Variants in TEX11 observed in about 807,000 individuals in gnomAD.
TEX11 encodes testis-expressed protein 11.
In TEX11, 7 loss-of-function variants were observed where a neutral mutation model predicts 84.4. That is an observed-to-expected ratio of 0.08 (90% confidence interval 0.05 to 0.16). The LOEUF (loss-of-function observed/expected upper bound fraction) is 0.16, where lower values mean the gene tolerates loss of function less well. Among genes scored for constraint, TEX11 ranks in the 10% least tolerant of loss-of-function variants. TEX11 has a pLI of 1.00. For synonymous variants in TEX11, 264 were observed against 222.8 expected (o/e 1.18, Z -1.64); for missense variants, 551 against 660.5 (o/e 0.83, Z 1.82).
intron 25 of TEX11, among the ~76,000 whole-genome samples, chrX:70,563,724 G>A (rs1036337089): frequency 1.7e-4 from 19 of 112,370 alleles, no homozygotes; most frequent in African/African-American, 4.5e-4. Context: ...GAGTGTTCTC[G>A]TCATGAATGG....
chrX:70,850,302 C>A (rs1205087945), intron 7 of TEX11, among the ~76,000 whole-genome samples: 1 of 111,713 alleles, frequency 9.0e-6, no homozygotes, highest in African/African-American at 3.3e-5. Context: ...AAATGTGATG[C>A]CTAGAAGTTA....
chrX:70,733,057 T>C (rs1603240689), intron 11 of TEX11, among the ~76,000 whole-genome samples: 1 of 112,007 alleles, frequency 8.9e-6, no homozygotes, highest in East Asian at 2.8e-4. Flanking sequence ...GGGGAAAGGA[T>C]TCCCAATTTA....
At chrX:70,887,785 C>T (rs1409612385) in intron 2 of TEX11, among the ~76,000 whole-genome samples, 1 of 112,479 alleles carries the variant, frequency 8.9e-6, no homozygotes, top group Non-Finnish European at 1.9e-5. Flanking sequence ...TGGGGGAGAC[C>T]CAGTACTGTG....
intron 24 of TEX11, among the ~76,000 whole-genome samples, chrX:70,592,445 G>C (rs1233331473): frequency 1.8e-5 from 2 of 111,306 alleles, no homozygotes. Flanking sequence ...CTCTATTGTA[G>C]AAGCTCTATT....
intron 11 of TEX11, among the ~76,000 whole-genome samples, chrX:70,733,599 A>C (rs1274632083): frequency 8.9e-6 from 1 of 111,975 alleles, no homozygotes; most frequent in Non-Finnish European, 1.9e-5. Context: ...TCAAAACCAC[A>C]GTGAGATACC....
intron 9 of TEX11, among the ~76,000 whole-genome samples, chrX:70,745,055 A>G (rs2090760124): frequency 9.1e-6 from 1 of 110,375 alleles, no homozygotes; most frequent in Non-Finnish European, 1.9e-5. Flanking sequence ...TTTCACAGAA[A>G]CAAACGCTTT....
rs751770510 is a variant in TEX11, at chrX:70,719,914, T to C, written c.1004+2704A>G. Among the ~76,000 whole-genome samples, 109 of 111,487 alleles carry C rather than the reference T, an allele frequency of 9.8e-4. 1 individual carries two copies. The highest frequency in any genetic ancestry group is 4.6e-3 in the Middle Eastern group (1 of 219). On this transcript the variant is annotated intron_variant, in intron 13 of 29. Coordinates refer to ENST00000374333, the MANE Select transcript of TEX11 (RefSeq NM_031276.3). ...TGGAGAAATAGGAACACTTTTACAC[T>C]GTTGGTGGGACTGTAAACTAGTTCA...
intron 12 of TEX11, chrX:70,724,341 C>T: frequency 2.3e-6 from 1 of 433,564 alleles, no homozygotes; most frequent in East Asian, 1.9e-4. Flanking sequence ...TCTGAGGTCT[C>T]TTAAGTGATT....
intron 9 of TEX11, among the ~76,000 whole-genome samples, chrX:70,782,622 AG>A (rs2091046961): frequency 1.1e-5 from 1 of 90,293 alleles, no homozygotes; most frequent in Non-Finnish European, 2.1e-5. Flanking sequence ...AAATAGAGGA[AG>A]ATCTACCAAG....
At chrX:70,591,336 C>T (rs5980976) in intron 25 of TEX11, among the ~76,000 whole-genome samples, 22,415 of 109,673 alleles carry the variant, frequency 0.2, 1,835 homozygotes, top group African/African-American at 0.24. Flanking sequence ...AGTGGTGGCT[C>T]ACACCTGTAA....
intron 25 of TEX11, among the ~76,000 whole-genome samples, chrX:70,574,426 C>A (rs936130051): frequency 9.0e-6 from 1 of 111,215 alleles, no homozygotes; most frequent in African/African-American, 3.3e-5. Flanking sequence ...GCTCTAAATC[C>A]CAAGTTCAAT....
chrX:70,792,163 C>T (rs1241944150), intron 9 of TEX11, among the ~76,000 whole-genome samples: 2 of 96,799 alleles, frequency 2.1e-5, no homozygotes, highest in African/African-American at 7.4e-5. Context: ...TGGTACACGC[C>T]TGTAGTTCCA....
At chrX:70,515,512 G>C in the TEX11 span, among the ~76,000 whole-genome samples, 1 of 112,158 alleles carries the variant, frequency 8.9e-6, no homozygotes, top group South Asian at 3.7e-4. Context: ...TCTTAATCCA[G>C]TCTATCACTG....
intron 28 of TEX11, among the ~76,000 whole-genome samples, chrX:70,539,024 A>ATT (rs2087999351): frequency 2.1e-4 from 3 of 14,364 alleles, no homozygotes; most frequent in Non-Finnish European, 5.5e-4. Flanking sequence ...TTGGAAATAT[A>ATT]TATATATATA....
chrX:70,581,116 C>T lies in TEX11; in HGVS notation c.2140+10635G>A, dbSNP rs191782537. Among the ~76,000 whole-genome samples the T allele has an allele frequency of 5.5e-5, 6 of 109,019 alleles. No individual in the cohort carries two copies. The East Asian group carries it at 1.7e-3, about 31-fold the overall frequency. 94.7% of individuals were successfully genotyped at this position (109,019 alleles called of 115,157 possible). On this transcript the variant is annotated intron_variant, in intron 25 of 29. Transcript: ENST00000374333. ...TTCCAGGCTCAGGCAATCCTCCTGC[C>T]ACAGCCTCCCGAGTAGCTGGGAGTA...
intron 28 of TEX11, among the ~76,000 whole-genome samples, chrX:70,531,525 C>G (rs190264586): frequency 2.6e-4 from 29 of 111,344 alleles, no homozygotes; most frequent in African/African-American, 9.1e-4. Flanking sequence ...ATGACTTAAA[C>G]AAACAAACAA....
intron 20 of TEX11, among the ~76,000 whole-genome samples, chrX:70,623,211 T>C (rs1381601398): frequency 8.9e-6 from 1 of 111,885 alleles, no homozygotes; most frequent in Non-Finnish European, 1.9e-5. Flanking sequence ...GAGGGAACTA[T>C]TACAGAGTTC....
intron 16 of TEX11, 86 bp downstream of exon 16, chrX:70,670,291 G>T: frequency 9.7e-7 from 1 of 1,032,437 alleles, no homozygotes; most frequent in African/African-American, 1.9e-5. Flanking sequence ...TAAACTAACA[G>T]CCAGGAAGTC....
At chrX:70,777,032 T>TTTA (rs1222545831) in intron 9 of TEX11, among the ~76,000 whole-genome samples, 2 of 108,519 alleles carry the variant, frequency 1.8e-5, no homozygotes, top group African/African-American at 6.7e-5. Flanking sequence ...CTTTTATTTA[T>TTTA]TTATTATTAT....
Sources: allele counts gnomAD v4.1 joint callset (sites outside exome capture counted in the v4.1 genomes callset), GRCh38; gene constraint gnomAD v4.1.1; transcripts MANE v1.5; gene names NCBI Gene and HGNC (gene_info 2026-07-23, HGNC 2026-07-21).